The following RBFOX1 variants were observed in gnomAD, a reference collection of about 807,000 sequenced individuals.
RBFOX1 encodes the protein RNA binding fox-1 homolog 1.
Under a neutral mutation model 57.7 loss-of-function variants are expected in RBFOX1, and 8 were observed. The observed-to-expected ratio is 0.14, with a 90% CI of 0.08 to 0.25. RBFOX1 has a LOEUF of 0.25. Ranked by LOEUF, RBFOX1 falls within the 10% of genes least tolerant of loss-of-function variation. The pLI is 1.00. For synonymous variants in RBFOX1, 326 were observed against 222.4 expected, an observed-to-expected ratio of 1.47 and a Z score of -4.15; for missense variants, 611 against 548.5, an observed-to-expected ratio of 1.11 and a Z score of -1.14.
At chr16:6,489,017 C>G (rs538850863) in intron 2 of RBFOX1, among the ~76,000 whole-genome samples, 4 of 152,150 alleles carry the variant, frequency 2.6e-5, no homozygotes, top group South Asian at 2.1e-4. Flanking sequence ...TCCTTATTCC[C>G]TTACAGTCTG....
chr16:5,851,073 C>T (rs1272436923), intron 3 of RBFOX1, among the ~76,000 whole-genome samples: 1 of 152,188 alleles, frequency 6.6e-6, no homozygotes, highest in East Asian at 1.9e-4. Context: ...TTCCCCAATT[C>T]CCAGGCCTGC....
At chr16:5,849,107 G>A (rs1171989279) in intron 3 of RBFOX1, among the ~76,000 whole-genome samples, 1 of 152,162 alleles carries the variant, frequency 6.6e-6, no homozygotes, top group East Asian at 1.9e-4. Context: ...TCTAAGAAGT[G>A]GAGGCAGAGT....
At chr16:6,200,849 GGTAA>G (rs948450623) in intron 1 of RBFOX1, among the ~76,000 whole-genome samples, 9 of 152,004 alleles carry the variant, frequency 5.9e-5, no homozygotes, top group African/African-American at 2.2e-4. Flanking sequence ...TGACGTAGCA[GGTAA>G]GTGTTTGAGG....
chr16:6,165,090 C>T (rs2096907533), intron 1 of RBFOX1, among the ~76,000 whole-genome samples: 1 of 152,092 alleles, frequency 6.6e-6, no homozygotes. Context: ...TCATTCACAG[C>T]TTAGCTATGT....
At chr16:6,791,998 C>T (rs1002230682) in intron 3 of RBFOX1, among the ~76,000 whole-genome samples, 2 of 152,180 alleles carry the variant, frequency 1.3e-5, no homozygotes, top group Non-Finnish European at 2.9e-5. Flanking sequence ...ACTTTGAACT[C>T]TGGAGTTCTG....
intron 1 of RBFOX1, among the ~76,000 whole-genome samples, chr16:5,255,376 C>G (rs866244196): frequency 6.6e-6 from 1 of 151,946 alleles, no homozygotes; most frequent in Non-Finnish European, 1.5e-5. Flanking sequence ...ATCCATCCAT[C>G]CATCCAGACA....
chr16:5,738,314 G>A (rs1244591459), intron 3 of RBFOX1, among the ~76,000 whole-genome samples: 1 of 151,690 alleles, frequency 6.6e-6, no homozygotes, highest in Non-Finnish European at 1.5e-5. Flanking sequence ...TATCAACAAC[G>A]CTGTTTCTTT....
chr16:7,356,214 T>G (rs921121394), intron 4 of RBFOX1, among the ~76,000 whole-genome samples: 1 of 152,182 alleles, frequency 6.6e-6, no homozygotes, highest in African/African-American at 2.4e-5. Flanking sequence ...AATACAGCAC[T>G]GAATAGTGAG....
At chr16:6,222,535 C>T (rs1017496734) in intron 1 of RBFOX1, among the ~76,000 whole-genome samples, 6 of 151,936 alleles carry the variant, frequency 3.9e-5, no homozygotes, top group South Asian at 2.1e-4. Context: ...TAGCAACCAT[C>T]GGCTTCTAGA....
chr16:6,535,426 A>G (rs936740237), intron 2 of RBFOX1, among the ~76,000 whole-genome samples: 3 of 20,334 alleles, frequency 1.5e-4, no homozygotes, highest in Non-Finnish European at 4.7e-3. Flanking sequence ...ATCACATCAG[A>G]AAAGAACCCC....
chr16:5,360,043 T>G (rs1379455643), intron 1 of RBFOX1, among the ~76,000 whole-genome samples: 1 of 152,230 alleles, frequency 6.6e-6, no homozygotes, highest in Non-Finnish European at 1.5e-5. Flanking sequence ...AGCATTTGCT[T>G]GTTCAGAGAA....
At chr16:7,064,315 C>T (rs2055381905) in intron 4 of RBFOX1, among the ~76,000 whole-genome samples, 2 of 151,822 alleles carry the variant, frequency 1.3e-5, no homozygotes, top group Admixed American at 6.6e-5. Flanking sequence ...CCTACAGGCA[C>T]CCGCCACCAT....
chr16:6,044,093 C>A (rs1015712889), intron 1 of RBFOX1, among the ~76,000 whole-genome samples: 4 of 152,244 alleles, frequency 2.6e-5, no homozygotes, highest in Middle Eastern at 3.4e-3. Flanking sequence ...TTTGAGTATG[C>A]CATCTGTTTC....
At chr16:7,479,375 C>T (rs976289687) in intron 4 of RBFOX1, among the ~76,000 whole-genome samples, 1 of 152,148 alleles carries the variant, frequency 6.6e-6, no homozygotes, top group Admixed American at 6.5e-5. Flanking sequence ...AGTGTATCCT[C>T]TGGCTTGGCC....
chr16:5,910,734 A>G (rs941734547), intron 4 of RBFOX1, among the ~76,000 whole-genome samples: 4 of 152,186 alleles, frequency 2.6e-5, no homozygotes, highest in Admixed American at 6.5e-5. Flanking sequence ...CCGAACTTCA[A>G]GCTGTCAGAA....
chr16:7,211,315 C>G (rs966909886), intron 4 of RBFOX1, among the ~76,000 whole-genome samples: 47 of 144,580 alleles, frequency 3.3e-4, no homozygotes, highest in African/African-American at 1.2e-3. Flanking sequence ...TGGTGTGAAC[C>G]TGGGAGGCGG....
chr16:6,589,511 G>A (rs12921271), intron 2 of RBFOX1, among the ~76,000 whole-genome samples: 53,945 of 152,122 alleles, frequency 0.35, 11,416 homozygotes, highest in Middle Eastern at 0.51. Flanking sequence ...TATGGGTGAT[G>A]CCCACTGATC....
intron 2 of RBFOX1, among the ~76,000 whole-genome samples, chr16:5,582,830 G>A (rs926630283): frequency 6.6e-6 from 1 of 152,182 alleles, no homozygotes; most frequent in Non-Finnish European, 1.5e-5. Context: ...GAAGGCAGAA[G>A]AGCCTGGGTG....
chr16:7,059,602 A>T (rs529181827), intron 4 of RBFOX1, among the ~76,000 whole-genome samples: 2 of 152,302 alleles, frequency 1.3e-5, no homozygotes, highest in South Asian at 4.2e-4. Context: ...TGCTGTGTAA[A>T]AGGGTATGAA....
Sources: allele counts gnomAD v4.1 joint callset (sites outside exome capture counted in the v4.1 genomes callset), GRCh38; gene constraint gnomAD v4.1.1; transcripts MANE v1.5; gene names NCBI Gene and HGNC (gene_info 2026-07-23, HGNC 2026-07-21).